DOCK2: variants seen among roughly 807,000 people sequenced by gnomAD.
DOCK2 encodes dedicator of cytokinesis protein 2.
A neutral mutation model predicts 248.9 loss-of-function variants in DOCK2; 87 were observed. That is an observed-to-expected ratio of 0.35 (90% CI 0.29 to 0.42). The LOEUF is 0.42. Ranked by LOEUF, DOCK2 falls within the 10% of genes least tolerant of loss-of-function variation. The pLI, the probability that DOCK2 is intolerant of heterozygous loss-of-function variation, is 1.00. For synonymous variants in DOCK2, 805 were observed against 821.6 expected (o/e 0.98, Z 0.35); for missense variants, 1,747 against 2,300.2 (o/e 0.76, Z 4.92).
intron 22 of DOCK2, among the ~76,000 whole-genome samples, chr5:169,719,405 G>A (rs1293393783): frequency 6.6e-6 from 1 of 152,234 alleles, no homozygotes; most frequent in African/African-American, 2.4e-5. Context: ...GTAGAGGATT[G>A]TTTGTGTGTA....
Position 169,764,296 on chromosome 5 carries a change from G to C in DOCK2, c.2554+2671G>C, listed in dbSNP as rs1764645499. The stretch of plus-strand genomic sequence containing the variant: ...TGACATTAAGCGGAGGGACCAGAAG[G>C]CTTTTAAGCACTTTCTGGGATTTTG... On this transcript the variant is annotated intron_variant, in intron 25 of 51. Transcript: ENST00000520908. The surrounding 1 kb of genome is among the most constrained non-coding windows in gnomAD (Gnocchi z 4.3). Among the ~76,000 whole-genome samples the C allele has an allele frequency of 6.6e-6, 1 of 152,166 alleles. No individual in the cohort carries two copies. The highest frequency in any genetic ancestry group is 1.5e-5 in the Non-Finnish European group (1 of 68,024).
intron 22 of DOCK2, among the ~76,000 whole-genome samples, chr5:169,728,975 C>A (rs4867883): frequency 2.2e-4 from 33 of 152,070 alleles, no homozygotes; most frequent in African/African-American, 8.0e-4. Flanking sequence ...TAAACTATTT[C>A]CTCTGATTGT....
chr5:169,925,578 T>TAAAAAAAAAAAAAAAAAAAAA (rs1561828965), intron 27 of DOCK2, among the ~76,000 whole-genome samples: 1 of 32,324 alleles, frequency 3.1e-5, no homozygotes, highest in African/African-American at 1.3e-4. Flanking sequence ...AGACTCTGTC[T>TAAAAAAAAAAAAAAAAAAAAA]TAAAAAAAAA....
intron 1 of DOCK2, among the ~76,000 whole-genome samples, chr5:169,646,457 C>A (rs1694633472): frequency 6.6e-6 from 1 of 152,154 alleles, no homozygotes; most frequent in African/African-American, 2.4e-5. Context: ...TCTGAAAATT[C>A]CCTCTATTTT....
chr5:169,964,706 CA>C (rs1284809560), intron 27 of DOCK2, among the ~76,000 whole-genome samples: 6 of 152,188 alleles, frequency 3.9e-5, no homozygotes, highest in Admixed American at 1.3e-4. Flanking sequence ...GCCCTGTCTT[CA>C]AATCTTATTG....
At chr5:169,858,423 T>A (rs984467895) in intron 27 of DOCK2, among the ~76,000 whole-genome samples, 1 of 151,870 alleles carries the variant, frequency 6.6e-6, no homozygotes, top group Admixed American at 6.6e-5. Context: ...TGGGGAGTAT[T>A]GAAGGCAGGA....
At chr5:169,906,284 A>T (rs1561812996) in intron 27 of DOCK2, among the ~76,000 whole-genome samples, 3 of 152,048 alleles carry the variant, frequency 2.0e-5, no homozygotes, top group Non-Finnish European at 4.4e-5. Context: ...AATGAGTATG[A>T]TCATAGTACT....
At chr5:169,967,255 C>A (rs1280273420) in intron 27 of DOCK2, among the ~76,000 whole-genome samples, 1 of 152,152 alleles carries the variant, frequency 6.6e-6, no homozygotes, top group Non-Finnish European at 1.5e-5. Context: ...TGGAGAGAAT[C>A]CCAGAAGCCT....
rs143655922 is a variant in DOCK2 at position 169,742,826 on chromosome 5, C to T, written c.2268-4570C>T. ...TCTCCTTAATGAATCACATGCAAGC[C>T]GAGCATCGCTATATTTATCCAAGCC... On this transcript the variant is annotated intron_variant, in intron 22 of 51. Coordinates refer to ENST00000520908, the MANE Select transcript of DOCK2 (RefSeq NM_004946.3). Among the ~76,000 whole-genome samples, 10 of 152,296 alleles carry T rather than the reference C, an allele frequency of 6.6e-5. 1 individual carries two copies. The highest frequency in any genetic ancestry group is 2.2e-4 in the African/African-American group (9 of 41,556).
chr5:169,821,785 A>T (rs1768464235), intron 26 of DOCK2, among the ~76,000 whole-genome samples: 1 of 152,252 alleles, frequency 6.6e-6, no homozygotes, highest in Non-Finnish European at 1.5e-5. Context: ...CCTTAAATGT[A>T]AATGGGCTAA....
rs1776172221 is a variant in DOCK2 at position 169,940,034 on chromosome 5, A to G, written c.2800-43034A>G. Among the ~76,000 whole-genome samples, 4 of 152,300 alleles carry G rather than the reference A, an allele frequency of 2.6e-5. No homozygotes were observed. The South Asian group carries it at 8.3e-4, about 32-fold the overall frequency. ...CAAACCCCAACACCTCCCATTCCCC[A>G]GGGAGTTTTCTCACTGTGTCATCTA... On this transcript the variant is annotated intron_variant, in intron 27 of 51. Transcript: ENST00000520908.
chr5:169,789,181 G>T (rs550339158), intron 25 of DOCK2, among the ~76,000 whole-genome samples: 2 of 152,274 alleles, frequency 1.3e-5, no homozygotes, highest in South Asian at 4.1e-4. Flanking sequence ...CTTTGGACAT[G>T]ATCTTGTTCT....
At chr5:169,895,651 C>T (rs1352836165) in intron 27 of DOCK2, among the ~76,000 whole-genome samples, 1 of 152,080 alleles carries the variant, frequency 6.6e-6, no homozygotes, top group African/African-American at 2.4e-5. Flanking sequence ...TAACCACAGC[C>T]CCCGAGAGCA....
intron 27 of DOCK2, among the ~76,000 whole-genome samples, chr5:169,868,477 G>A (rs1771734970): frequency 6.6e-6 from 1 of 152,164 alleles, no homozygotes; most frequent in Non-Finnish European, 1.5e-5. Context: ...AATAAAAATA[G>A]GCTGGGCGCA....
intron 26 of DOCK2, among the ~76,000 whole-genome samples, chr5:169,825,180 A>T (rs551994038): frequency 6.6e-6 from 1 of 152,192 alleles, no homozygotes; most frequent in African/African-American, 2.4e-5. Flanking sequence ...TGGGACTGTA[A>T]ACTAGTTCAA....
At position 170,056,723 on chromosome 5, in the gene DOCK2, C is replaced by T; in HGVS notation, c.4335C>T (p.Ser1445=). The change falls in exon 43 of 52, where the codon TCC becomes TCT. Residue 1445 remains serine, a synonymous_variant. Transcript: ENST00000520908. The part of the protein sequence containing the change: ...KSNYVQRFHY[S]RPVRRGTVDP... Reference sequence around the variant, plus strand: ...ACTACGTGCAAAGGTTCCACTACTCCCGGCCCGTGCGCAGGGGGACCGTAG... The same window carrying T: ...ACTACGTGCAAAGGTTCCACTACTCTCGGCCCGTGCGCAGGGGGACCGTAG... 6.2e-7 allele frequency: 1 copy of T among 1,614,044 alleles called. No homozygotes were observed.
chr5:170,052,927 C>T (rs1756968953), intron 41 of DOCK2, among the ~76,000 whole-genome samples: 1 of 152,204 alleles, frequency 6.6e-6, no homozygotes, highest in Non-Finnish European at 1.5e-5. Context: ...TACTTTTTGA[C>T]AAAACATTGA....
At position 170,077,802 on chromosome 5, in the gene DOCK2, T is replaced by G; in HGVS notation, c.4959T>G (p.Ser1653=). The change falls in exon 48 of 52, where the codon TCT becomes TCG. Residue 1653 remains serine (S), a synonymous_variant. Coordinates refer to ENST00000520908, the MANE Select transcript of DOCK2 (RefSeq NM_004946.3). ...MSIISLASMN[S]DCSTPSKPTS... ...TCATCTCTCTGGCTTCCATGAATTC[T>G]GACTGCAGCACCCCCAGCAAGCCTA... 1.9e-6 allele frequency: 3 copies of G among 1,613,816 alleles called. No homozygotes were observed. Among genetic ancestry groups the G allele is most frequent in the Non-Finnish European group, 2.5e-6 (3 of 1,179,970 alleles).
chr5:169,912,835 G>A (rs1474970634), intron 27 of DOCK2, among the ~76,000 whole-genome samples: 1 of 151,764 alleles, frequency 6.6e-6, no homozygotes, highest in African/African-American at 2.4e-5. Flanking sequence ...TTTCTAGGAG[G>A]TACTTCTTTT....
Sources: gnomAD v4.1 joint callset for allele counts (sites outside exome capture counted in the v4.1 genomes callset) on GRCh38, gnomAD v4.1.1 for gene constraint, Gnocchi (gnomAD v3.1) non-coding constraint, MANE v1.5 for transcripts, NCBI Gene and HGNC (gene_info 2026-07-23, HGNC 2026-07-21) for gene names.